The following SLC24A1 variants were observed in gnomAD, a reference collection of about 807,000 sequenced individuals.
The protein encoded by SLC24A1 is solute carrier family 24 member 1.
A neutral mutation model predicts 88.1 loss-of-function variants in SLC24A1; 52 were observed. The ratio of observed to expected loss-of-function variants is 0.59; its 90% confidence interval spans 0.47 to 0.74. The LOEUF (loss-of-function observed/expected upper bound fraction) is 0.74. Ranked by LOEUF, SLC24A1 falls within the 30% of genes least tolerant of loss-of-function variation. The pLI, the probability that SLC24A1 is intolerant of heterozygous loss-of-function variation, is 0.00. For synonymous variants in SLC24A1, 455 were observed against 498.0 expected (o/e 0.91, Z 1.15); for missense variants, 1,173 against 1,363.3 (o/e 0.86, Z 2.20).
chr15:65,623,623 G>A (rs2074395397), intron 1 of SLC24A1, among the ~76,000 whole-genome samples: 1 of 152,148 alleles, frequency 6.6e-6, no homozygotes, highest in Admixed American at 6.5e-5. Flanking sequence ...GAGCTCCCAG[G>A]ATCTTAGGCT....
chr15:65,633,767 A>G (rs966423510), intron 2 of SLC24A1, among the ~76,000 whole-genome samples: 1 of 152,244 alleles, frequency 6.6e-6, no homozygotes, highest in Non-Finnish European at 1.5e-5. Flanking sequence ...ATTGGACAAT[A>G]CTGGACTGCA....
At chr15:65,636,075 A>G (rs2074923532) in intron 2 of SLC24A1, among the ~76,000 whole-genome samples, 2 of 152,192 alleles carry the variant, frequency 1.3e-5, no homozygotes, top group African/African-American at 4.8e-5. Flanking sequence ...ATTCTGGTTT[A>G]GCCATGGAGG....
downstream of SLC24A1, chr15:65,660,240 GA>G: frequency 1.3e-6 from 2 of 1,503,744 alleles, no homozygotes; most frequent in Non-Finnish European, 1.8e-6. Flanking sequence ...CAAACTAACT[GA>G]AGTTTTACAT....
At chr15:65,632,499 C>G (rs1036023904) in intron 2 of SLC24A1, among the ~76,000 whole-genome samples, 3 of 152,008 alleles carry the variant, frequency 2.0e-5, no homozygotes, top group African/African-American at 7.2e-5. Context: ...GAGGCAGTGG[C>G]ACAAATGAGT....
rs370043190 is a variant in SLC24A1, at chr15:65,625,454, C to G, written c.1374C>G (p.His458Gln). Reference protein sequence around the residue: ...EERRQGWVVLHVFGMMYVFVA... With the variant: ...EERRQGWVVLQVFGMMYVFVA... ...GGCGGCAGGGCTGGGTGGTCCTGCA[C>G]GTTTTTGGCATGATGTATGTGTTTG... is the stretch of plus-strand genomic sequence containing the variant. The change falls in exon 2 of 10, where the codon CAC becomes CAG. Residue 458 changes from histidine (H) to glutamine (Q), a missense_variant. By Grantham distance (24) the His-to-Gln change is conservative. Coordinates refer to ENST00000261892, the MANE Select transcript of SLC24A1 (RefSeq NM_004727.3). 1 of 1,614,016 alleles carries G rather than the reference C, an allele frequency of 6.2e-7. No individual in the cohort carries two copies. The highest frequency in any genetic ancestry group is 1.7e-5 in the Admixed American group (1 of 60,020).
chr15:65,653,273 C>A (rs1008630415), intron 9 of SLC24A1, among the ~76,000 whole-genome samples: 1 of 152,280 alleles, frequency 6.6e-6, no homozygotes, highest in East Asian at 1.9e-4. Flanking sequence ...TTCTCCCAAC[C>A]TTGTCAGAAA....
chr15:65,641,385 T>C (rs66525305), intron 4 of SLC24A1, among the ~76,000 whole-genome samples: 44 of 94,752 alleles, frequency 4.6e-4, no homozygotes, highest in East Asian at 2.5e-3. Flanking sequence ...AACAAACAAA[T>C]AAATAAATAA....
rs144793148 is a variant in SLC24A1, at chr15:65,639,537, G to A, written c.1945-58G>A. The A allele has an allele frequency of 1.5e-3, 1,613 of 1,069,114 alleles. 12 individuals are homozygous for A. The African/African-American group carries it at 0.022, about 15-fold the overall frequency. 66.2% of individuals were successfully genotyped at this position (1,069,114 alleles called of 1,614,324 possible). On this transcript the variant is annotated intron_variant, in intron 3 of 9. Coordinates refer to ENST00000261892, the MANE Select transcript of SLC24A1 (RefSeq NM_004727.3). ...AAGAGGCAAGGTTAGTGATGCCCTC[G>A]TGTGGTTCCTCCCCTGGCTTGGACA...
chr15:65,645,610 AGAG>A lies in SLC24A1; in HGVS notation c.2146_2148del (p.Glu716del). 6.4e-7 allele frequency: 1 copy of A among 1,561,518 alleles called. No individual in the cohort carries two copies. Among genetic ancestry groups the A allele is most frequent in the South Asian group, 1.2e-5 (1 of 84,494 alleles). ...GATGTAACCCATGTTTATCCTTTAA[AGAG>A]GAGGAGCCAGCCAAGCTCCCTGCGG... On this transcript the variant is annotated splice_acceptor_variant and coding_sequence_variant, in exon 6 of 10. Transcript: ENST00000261892. LOFTEE classifies it high-confidence loss of function.
At chr15:65,633,448 T>A (rs2074800781) in intron 2 of SLC24A1, among the ~76,000 whole-genome samples, 1 of 152,042 alleles carries the variant, frequency 6.6e-6, no homozygotes, top group South Asian at 2.1e-4. Flanking sequence ...TCATCTGAGG[T>A]CAGGAGTTTG....
rs72740755 is a variant in SLC24A1, at chr15:65,655,531, T to C, written c.*1452T>C. The C allele has an allele frequency of 1.0e-5, 10 of 985,412 alleles. No individual in the cohort carries two copies. The highest frequency in any genetic ancestry group is 1.2e-5 in the Non-Finnish European group (10 of 829,918). 61.0% of individuals were successfully genotyped at this position (985,412 alleles called of 1,614,324 possible). A position where few individuals can be genotyped will look rare whatever the true frequency, so the allele number is the denominator to read the frequency against. On this transcript the variant is annotated 3_prime_UTR_variant, in exon 10 of 10. Coordinates refer to ENST00000261892, the MANE Select transcript of SLC24A1 (RefSeq NM_004727.3). ...ATATTAAATACCACTGCTTGCTGCT[T>C]TTACTAGAATCAAGTTAAGGGACAC... is the stretch of plus-strand genomic sequence containing the variant.
At chr15:65,647,988 C>T (rs939678896) in intron 6 of SLC24A1, among the ~76,000 whole-genome samples, 17 of 152,168 alleles carry the variant, frequency 1.1e-4, no homozygotes, top group Middle Eastern at 3.4e-3. Context: ...GGGCCGGGTG[C>T]GGTGGCTCAC....
rs768798318 is a variant in SLC24A1, at chr15:65,639,692, C to T, written c.2042C>T (p.Pro681Leu). Residue 681 changes from proline to leucine, a missense_variant, in exon 4 of 10, where the codon CCC becomes CTC. By Grantham distance (98) the Pro-to-Leu change is moderately conservative. Coordinates refer to ENST00000261892, the MANE Select transcript of SLC24A1 (RefSeq NM_004727.3). ...CAGCTCATGCTCCACAGCCTGGACC[C>T]CCTGAGGGAAGGTAAGCAAGGCCTC... ...IYQLMLHSLD[P>L]LREVRLAKEK... 9 of 1,610,510 alleles carry T rather than the reference C, an allele frequency of 5.6e-6. No individual in the cohort carries two copies. The highest frequency in any genetic ancestry group is 5.9e-6 in the Non-Finnish European group (7 of 1,178,050).
At chr15:65,649,445 G>A (rs965757117) in intron 6 of SLC24A1, among the ~76,000 whole-genome samples, 4 of 152,188 alleles carry the variant, frequency 2.6e-5, no homozygotes, top group Middle Eastern at 3.2e-3. Context: ...AAGTTTGGGA[G>A]CCAGACATCT....
In SLC24A1 at chr15:65,654,102, G is replaced by A. The variant is rs1039972036; in HGVS notation, c.*23G>A. 2.5e-6 allele frequency: 4 copies of A among 1,604,944 alleles called. No homozygotes were observed. The highest frequency in any genetic ancestry group is 2.2e-5 in the South Asian group (2 of 89,990). The stretch of plus-strand genomic sequence containing the variant: ...TGAATCAGTCACTCTTGCTCACAAT[G>A]GGCATGGATCAGAAGACCATGCAGA... On this transcript the variant is annotated 3_prime_UTR_variant, in exon 10 of 10. Transcript: ENST00000261892.
downstream of SLC24A1, chr15:65,658,028 A>G (rs929544145): frequency 6.6e-6 from 1 of 152,270 alleles, no homozygotes; most frequent in East Asian, 1.9e-4. Flanking sequence ...GGAGGGAGCC[A>G]TCCAAATGAA....
upstream of SLC24A1, among the ~76,000 whole-genome samples, chr15:65,617,345 TCTTCCTATC>T (rs1162299208): frequency 1.3e-5 from 2 of 152,282 alleles, no homozygotes; most frequent in Admixed American, 6.5e-5. Flanking sequence ...CGATATTGAT[TCTTCCTATC>T]CGTGAGCATG....
chr15:65,617,272 T>C (rs2074177371), upstream of SLC24A1, among the ~76,000 whole-genome samples: 1 of 152,320 alleles, frequency 6.6e-6, no homozygotes. Flanking sequence ...AAGAAAGTCA[T>C]TGGTAGCTTG....
intron 4 of SLC24A1, among the ~76,000 whole-genome samples, chr15:65,640,547 A>C (rs1363961639): frequency 6.6e-6 from 1 of 152,156 alleles, no homozygotes; most frequent in Non-Finnish European, 1.5e-5. Context: ...AGGCCCATCA[A>C]GGAAATGCTA....
Sources: allele counts gnomAD v4.1 joint callset (sites outside exome capture counted in the v4.1 genomes callset), GRCh38; gene constraint gnomAD v4.1.1; transcripts MANE v1.5; gene names NCBI Gene and HGNC (gene_info 2026-07-23, HGNC 2026-07-21).